Variants in TGFB2 observed in about 807,000 individuals in gnomAD.
TGFB2 encodes the protein transforming growth factor beta-2 proprotein.
TGFB2 carries 13 observed loss-of-function variants against 42.7 expected under a neutral mutation model. The observed-to-expected ratio is 0.30, with a 90% CI of 0.20 to 0.48. The LOEUF (loss-of-function observed/expected upper bound fraction) is 0.48, where lower values mean the gene tolerates loss of function less well. TGFB2 is among the 20% of genes least tolerant of loss of function. The pLI is 0.99. For synonymous variants in TGFB2, 193 were observed against 193.6 expected (o/e 1.00, Z 0.03); for missense variants, 390 against 517.5 (o/e 0.75, Z 2.39).
intron 1 of TGFB2, among the ~76,000 whole-genome samples, chr1:218,395,487 A>G (rs2799090): frequency 0.38 from 58,406 of 151,902 alleles, 13,510 homozygotes; most frequent in African/African-American, 0.67. Context: ...TCAACTCAGG[A>G]CTCCTTTGCA....
intron 1 of TGFB2, among the ~76,000 whole-genome samples, chr1:218,385,576 A>G (rs184412926): frequency 5.3e-5 from 8 of 152,330 alleles, no homozygotes; most frequent in Non-Finnish European, 8.8e-5. Context: ...ACATGACCCC[A>G]TGTCAAGACT....
At chr1:218,388,136 C>T (rs1440587026) in intron 1 of TGFB2, among the ~76,000 whole-genome samples, 2 of 152,180 alleles carry the variant, frequency 1.3e-5, no homozygotes, top group African/African-American at 2.4e-5. Context: ...CACATTTTGG[C>T]TCCTAGAGCT....
intron 1 of TGFB2, among the ~76,000 whole-genome samples, chr1:218,379,380 C>G (rs559724481): frequency 6.6e-6 from 1 of 151,850 alleles, no homozygotes; most frequent in Non-Finnish European, 1.5e-5. Context: ...ATGATCCACC[C>G]GCCTTGGCCT....
chr1:218,430,135 G>C (rs901278787), intron 2 of TGFB2, among the ~76,000 whole-genome samples: 56 of 152,234 alleles, frequency 3.7e-4, no homozygotes, highest in Admixed American at 7.2e-4. Context: ...AAGAGGCCGG[G>C]CGTGGTAGCT....
At chr1:218,399,104 G>T (rs888684296) in intron 1 of TGFB2, among the ~76,000 whole-genome samples, 3 of 151,942 alleles carry the variant, frequency 2.0e-5, no homozygotes, top group Non-Finnish European at 2.9e-5. Flanking sequence ...GCCCAGGCTG[G>T]TCTCAAACTC....
chr1:218,353,188 A>C (rs1293724755), intron 1 of TGFB2, among the ~76,000 whole-genome samples: 1 of 152,202 alleles, frequency 6.6e-6, no homozygotes, highest in Non-Finnish European at 1.5e-5. Context: ...AACCACTTCC[A>C]TTAACCTCGG....
intron 2 of TGFB2, among the ~76,000 whole-genome samples, chr1:218,430,038 G>C (rs917007048): frequency 6.6e-6 from 1 of 152,092 alleles, no homozygotes; most frequent in Non-Finnish European, 1.5e-5. Context: ...AATGGAGAAT[G>C]CTGGTTACTC....
chr1:218,405,145 A>G, intron 1 of TGFB2, 24 bp from the exon 2 acceptor site: 2 of 1,551,004 alleles, frequency 1.3e-6, no homozygotes, highest in Non-Finnish European at 8.7e-7. Flanking sequence ...TATCATTTTC[A>G]ATGATTGCCC....
intron 2 of TGFB2, among the ~76,000 whole-genome samples, chr1:218,420,688 A>G (rs1035438475): frequency 6.6e-6 from 1 of 152,104 alleles, no homozygotes; most frequent in African/African-American, 2.4e-5. Flanking sequence ...TGACATTTCC[A>G]TAAAGGTCAT....
At chr1:218,436,267 AG>A in intron 5 of TGFB2, 120 bp downstream of exon 5, 1 of 946,762 alleles carries the variant, frequency 1.1e-6, no homozygotes, top group Non-Finnish European at 1.6e-6. Context: ...GATAGAGTGC[AG>A]TACAGCTCCT....
chr1:218,439,023 G>A (rs1026501285), intron 6 of TGFB2, among the ~76,000 whole-genome samples: 22 of 150,786 alleles, frequency 1.5e-4, no homozygotes, highest in African/African-American at 4.1e-4. Context: ...GCAGAGAATC[G>A]CTTGAACCCA....
chr1:218,411,448 T>C (rs1387835931), intron 2 of TGFB2, among the ~76,000 whole-genome samples: 1 of 152,138 alleles, frequency 6.6e-6, no homozygotes, highest in East Asian at 1.9e-4. Context: ...AAGGCCGGGC[T>C]CAGCTGGGCT....
At chr1:218,430,793 T>C (rs974041848) in intron 2 of TGFB2, among the ~76,000 whole-genome samples, 2 of 152,228 alleles carry the variant, frequency 1.3e-5, no homozygotes, top group Non-Finnish European at 2.9e-5. Context: ...GTAGGAGGAA[T>C]ACTTTTATAT....
chr1:218,426,785 T>G (rs1659637928), intron 2 of TGFB2, among the ~76,000 whole-genome samples: 1 of 152,186 alleles, frequency 6.6e-6, no homozygotes, highest in African/African-American at 2.4e-5. Flanking sequence ...CCTTAAATTT[T>G]TAAAACTTAA....
chr1:218,395,080 A>G (rs1203720466), intron 1 of TGFB2, among the ~76,000 whole-genome samples: 1 of 152,172 alleles, frequency 6.6e-6, no homozygotes, highest in African/African-American at 2.4e-5. Flanking sequence ...CTGCAGGAAA[A>G]GTGCAGTCAT....
chr1:218,424,165 GA>G (rs1659545413), intron 2 of TGFB2, among the ~76,000 whole-genome samples: 1 of 152,214 alleles, frequency 6.6e-6, no homozygotes, highest in African/African-American at 2.4e-5. Flanking sequence ...TGGCCACCAG[GA>G]AGGAGGTAAC....
At chr1:218,403,675 C>A (rs1252009877) in intron 1 of TGFB2, among the ~76,000 whole-genome samples, 1 of 152,104 alleles carries the variant, frequency 6.6e-6, no homozygotes, top group Non-Finnish European at 1.5e-5. Flanking sequence ...AAAGACCTGG[C>A]AAATACAGTC....
chr1:218,367,513 T>G (rs1162235240), intron 1 of TGFB2, among the ~76,000 whole-genome samples: 1 of 152,220 alleles, frequency 6.6e-6, no homozygotes, highest in African/African-American at 2.4e-5. Flanking sequence ...AACCACCTAA[T>G]ACTTTGAAGA....
intron 1 of TGFB2, among the ~76,000 whole-genome samples, chr1:218,368,402 G>A (rs934139319): frequency 6.6e-6 from 1 of 152,046 alleles, no homozygotes; most frequent in Non-Finnish European, 1.5e-5. Flanking sequence ...ATCCCAAAAT[G>A]CTGGGATTAC....
Sources: allele counts gnomAD v4.1 joint callset (sites outside exome capture counted in the v4.1 genomes callset), GRCh38; gene constraint gnomAD v4.1.1; transcripts MANE v1.5; gene names NCBI Gene and HGNC (gene_info 2026-07-23, HGNC 2026-07-21).